Variants in CHD1 observed in about 807,000 individuals in gnomAD.
CHD1 encodes chromodomain helicase DNA binding protein 1.
CHD1 carries 36 observed loss-of-function variants against 224.2 expected under a neutral mutation model. The ratio of observed to expected loss-of-function variants is 0.16; its 90% CI spans 0.12 to 0.21. The LOEUF is 0.21. CHD1 is among the 10% of genes least tolerant of loss of function. The probability of loss-of-function intolerance (pLI) is 1.00; values close to 1 mark genes in which losing one functional copy is unlikely to be tolerated. For synonymous variants in CHD1, 668 were observed against 658.3 expected, an observed-to-expected ratio of 1.01 and a Z score of -0.23; for missense variants, 1,378 against 1,994.8, an observed-to-expected ratio of 0.69 and a Z score of 5.89.
intron 12 of CHD1, among the ~76,000 whole-genome samples, chr5:98,895,594 A>G (rs1751292225): frequency 6.6e-6 from 1 of 151,916 alleles, no homozygotes; most frequent in African/African-American, 2.4e-5. Context: ...CTCTACTAAA[A>G]ATATGAAAAT....
Position 98,888,307 on chromosome 5 carries a change from T to C in CHD1, c.2344-67A>G, listed in dbSNP as rs1230489995. On this transcript the variant is annotated intron_variant, in intron 16 of 35. Coordinates refer to ENST00000614616, the MANE Select transcript of CHD1 (RefSeq NM_001270.4). The stretch of plus-strand genomic sequence containing the variant: ...ATGGTAAGTTGTCCACGTAACACTT[T>C]AGTTGCCTGAATTATTTTAAATTGA... 3.7e-6 allele frequency: 4 copies of C among 1,066,906 alleles called. No homozygotes were observed. The African/African-American group carries it at 6.5e-5, about 17-fold the overall frequency. The allele number at this position is 1,066,906 out of a possible 1,614,324, so 66.1% of individuals were successfully genotyped here.
Position 98,925,605 on chromosome 5 carries a change from T to A in CHD1, c.53+729A>T, listed in dbSNP as rs537182937. 6.6e-5 allele frequency among the ~76,000 whole-genome samples: 10 copies of A among 152,306 alleles called. No individual in the cohort carries two copies. The East Asian group carries it at 1.9e-3, about 29-fold the overall frequency. On this transcript the variant is annotated intron_variant, in intron 2 of 35. Coordinates refer to ENST00000614616, the MANE Select transcript of CHD1 (RefSeq NM_001270.4). Reference sequence around the variant, plus strand: ...CATGGATTGTAAACTAATGTGCAGATAACTCAAAATTTGAGAGCTACAGAA... The same window carrying A: ...CATGGATTGTAAACTAATGTGCAGAAAACTCAAAATTTGAGAGCTACAGAA...
rs1286145890 is a variant in CHD1, at chr5:98,896,360, C to T, written c.1576G>A (p.Glu526Lys). The T allele has an allele frequency of 1.2e-6, 2 of 1,613,760 alleles. No individual in the cohort carries two copies. Among genetic ancestry groups the T allele is most frequent in the Non-Finnish European group, 1.7e-6 (2 of 1,179,920 alleles). ...AAAAAAGGTCCATATAATTGATGTT[C>T]ATGAAACAAATAATTCAGAAATGAG... ...TISFLNYLFH[E>K]HQLYGPFLLV... The change falls in exon 12 of 36, where the codon GAA becomes AAA. Residue 526 changes from glutamate to lysine, a missense_variant. Transcript: ENST00000614616.
intron 2 of CHD1, among the ~76,000 whole-genome samples, chr5:98,920,405 T>C (rs1484325011): frequency 6.6e-6 from 1 of 152,206 alleles, no homozygotes; most frequent in African/African-American, 2.4e-5. Flanking sequence ...CCACCAGTAA[T>C]GTCATGAGGA....
rs752223416 is a variant in CHD1 at position 98,897,165 on chromosome 5, TTAAA to T, written c.1493+24_1493+27del. 6.3e-6 allele frequency: 10 copies of T among 1,598,240 alleles called. No homozygotes were observed. The East Asian group carries it at 2.0e-4, about 32-fold the overall frequency. On this transcript the variant is annotated intron_variant, in intron 11 of 35. Transcript: ENST00000614616. ...ATTGGTAAATTCTTACTCTGTCAAA[TTAAA>T]TAGATGATTCAAAATATACTTACTT...
chr5:98,911,148 T>A (rs397832242), intron 2 of CHD1, among the ~76,000 whole-genome samples: 2,299 of 62,538 alleles, frequency 0.037, 39 homozygotes, highest in Non-Finnish European at 0.045. Flanking sequence ...AAAAAAAAAA[T>A]ATATATATAT....
At chr5:98,879,392 G>A (rs538441551) in intron 23 of CHD1, among the ~76,000 whole-genome samples, 160 bp downstream of exon 23, 6 of 152,018 alleles carry the variant, frequency 3.9e-5, no homozygotes, top group African/African-American at 1.4e-4. Context: ...AATAAAAGAG[G>A]AAGAAACACT....
chr5:98,905,642 A>G (rs1157823013), intron 2 of CHD1, among the ~76,000 whole-genome samples: 4 of 152,242 alleles, frequency 2.6e-5, no homozygotes, highest in African/African-American at 9.6e-5. Flanking sequence ...ATGATAAAAT[A>G]TAATTTATTT....
At position 98,893,469 on chromosome 5, in the gene CHD1, T is replaced by C. The variant is rs1276361939; in HGVS notation, c.1938A>G (p.Leu646=). The change falls in exon 14 of 36, where the codon CTA becomes CTG. Residue 646 remains leucine (L), a synonymous_variant. Coordinates refer to ENST00000614616, the MANE Select transcript of CHD1 (RefSeq NM_001270.4). ...ACCAGAGCTCTTTGAGGGAATTCTG[T>C]AGAGGAGTTCCAGTGATAAGGAGAC... The part of the protein sequence containing the change: ...NHRLLITGTP[L]QNSLKELWSL... 3 of 1,611,410 alleles carry C rather than the reference T, an allele frequency of 1.9e-6. No homozygotes were observed. Among genetic ancestry groups the C allele is most frequent in the Middle Eastern group, 1.6e-4 (1 of 6,072 alleles).
intron 16 of CHD1, among the ~76,000 whole-genome samples, chr5:98,888,583 TA>T (rs1166848322): frequency 2.6e-5 from 4 of 152,168 alleles, no homozygotes; most frequent in African/African-American, 9.7e-5. Context: ...ACCAAAGGTT[TA>T]AAAAGAGTAA....
intron 25 of CHD1, among the ~76,000 whole-genome samples, chr5:98,874,668 C>T (rs567475057): frequency 6.9e-4 from 104 of 149,664 alleles, no homozygotes; most frequent in Non-Finnish European, 1.1e-3. Flanking sequence ...GCCAAGATCG[C>T]GCCACTGCAC....
At chr5:98,883,283 T>C in intron 18 of CHD1, 46 bp from the exon 19 acceptor site, 1 of 1,381,248 alleles carries the variant, frequency 7.2e-7, no homozygotes, top group Non-Finnish European at 9.9e-7. Context: ...TCAATTGATT[T>C]TCTGAACGTA....
In CHD1 at chr5:98,869,680, A is replaced by G; in HGVS notation, c.4107+74T>C. On this transcript the variant is annotated intron_variant, in intron 30 of 35. Coordinates refer to ENST00000614616, the MANE Select transcript of CHD1 (RefSeq NM_001270.4). ...CTTCGGTACCTAAAATATAAATTTT[A>G]AATGTAAAGTACACAAAAACATGCC... 1.3e-6 allele frequency: 2 copies of G among 1,501,578 alleles called. 1 individual carries two copies. The highest frequency in any genetic ancestry group is 1.8e-6 in the Non-Finnish European group (2 of 1,090,126). 93.0% of individuals were successfully genotyped at this position (1,501,578 alleles called of 1,614,324 possible). A position where few individuals can be genotyped will look rare whatever the true frequency, so the allele number is the denominator to read the frequency against.
chr5:98,900,952 C>G lies in CHD1; in HGVS notation c.718G>C (p.Val240Leu). ...RSSRRQATVNVSYKEDEEMKT... is the reference protein window; with the variant it reads ...RSSRRQATVNLSYKEDEEMKT... ...ATTTCTTCATCCTCCTTATAGCTAA[C>G]ATTAACAGTTGCTTGGCGACGAGAA... The change falls in exon 7 of 36, where the codon GTT (valine) becomes CTT (leucine). Residue 240 changes from valine (V) to leucine (L), a missense_variant. Physicochemically the swap from Val to Leu is conservative, Grantham distance 32 (BLOSUM62 1). Transcript: ENST00000614616. The G allele has an allele frequency of 1.9e-6, 3 of 1,614,042 alleles. No individual in the cohort carries two copies. Among genetic ancestry groups the G allele is most frequent in the Non-Finnish European group, 2.5e-6 (3 of 1,179,974 alleles).
intron 23 of CHD1, among the ~76,000 whole-genome samples, chr5:98,877,345 AATG>A (rs1237332382): frequency 6.6e-6 from 1 of 152,224 alleles, no homozygotes; most frequent in Non-Finnish European, 1.5e-5. Flanking sequence ...TAATTTGGCA[AATG>A]ATAATGAATT....
chr5:98,860,260 C>A (rs1325720187), intron 32 of CHD1, 192 bp from the exon 33 acceptor site: 2 of 558,212 alleles, frequency 3.6e-6, no homozygotes, highest in Non-Finnish European at 6.7e-6. Context: ...TCCAGTGAAA[C>A]TAAACATTAA....
At chr5:98,906,360 A>T (rs1752051354) in intron 2 of CHD1, among the ~76,000 whole-genome samples, 1 of 152,134 alleles carries the variant, frequency 6.6e-6, no homozygotes, top group South Asian at 2.1e-4. Flanking sequence ...AAAACAGCAT[A>T]TTAAATTTTA....
At chr5:98,858,066 AG>A in intron 35 of CHD1, 113 bp downstream of exon 35, 1 of 741,576 alleles carries the variant, frequency 1.3e-6, no homozygotes. Flanking sequence ...TTATTTCACA[AG>A]ATTTGTTTTG....
rs1748188525 is a variant in CHD1, at chr5:98,858,231, A to T, written c.4736T>A (p.Phe1579Tyr). 6.2e-7 allele frequency: 1 copy of T among 1,613,130 alleles called. No homozygotes were observed. Among genetic ancestry groups the T allele is most frequent in the Admixed American group, 1.7e-5 (1 of 59,986 alleles). Residue 1579 changes from phenylalanine to tyrosine, a missense_variant, in exon 35 of 36, where the codon TTT (phenylalanine) becomes TAT (tyrosine). Physicochemically the swap from Phe to Tyr is conservative, Grantham distance 22. Around this residue, in one of 16 missense-constraint regions of CHD1, gnomAD observed 278 missense variants for 298.5 expected, o/e 0.93. Transcript: ENST00000614616. ...ATCACGATGGTCTTTACCATTACTAAAAGAAGAATAGGGTCTTTTCCTGGA... is the reference window on the plus strand; with the variant it reads ...ATCACGATGGTCTTTACCATTACTATAAGAAGAATAGGGTCTTTTCCTGGA... ...SDSRKRPYSS[F>Y]SNGKDHRDWD... is the part of the protein sequence containing the mutation.
Sources: allele counts gnomAD v4.1 joint callset (sites outside exome capture counted in the v4.1 genomes callset), GRCh38; gene constraint gnomAD v4.1.1; regional missense constraint gnomAD v4.1.1; transcripts MANE v1.5; gene names NCBI Gene and HGNC (gene_info 2026-07-23, HGNC 2026-07-21).